The following THSD7B variants were observed in gnomAD, a reference collection of about 807,000 sequenced individuals.
The protein encoded by THSD7B is thrombospondin type 1 domain containing 7B.
THSD7B carries 138 observed loss-of-function variants against 213.6 expected under a neutral mutation model. The observed-to-expected ratio is 0.65, with a 90% CI of 0.56 to 0.74. The LOEUF (loss-of-function observed/expected upper bound fraction) is 0.74, where lower values mean the gene tolerates loss of function less well. Among genes scored for constraint, THSD7B ranks in the 30% least tolerant of loss-of-function variants. THSD7B has a pLI of 0.00. For missense variants in THSD7B, 1,931 were observed against 1,991.5 expected (o/e 0.97, Z 0.58); for synonymous variants, 742 against 687.0 (o/e 1.08, Z -1.25).
At chr2:137,020,724 T>G (rs1356703731) in intron 2 of THSD7B, among the ~76,000 whole-genome samples, 2 of 152,156 alleles carry the variant, frequency 1.3e-5, no homozygotes, top group African/African-American at 4.8e-5. Flanking sequence ...ATTGTCTGCT[T>G]GTTTTGCAGT....
intron 7 of THSD7B, among the ~76,000 whole-genome samples, chr2:137,209,224 T>A (rs1273212507): frequency 6.6e-6 from 1 of 152,078 alleles, no homozygotes; most frequent in East Asian, 1.9e-4. Flanking sequence ...TCCTTTCCAA[T>A]GCCTGTGTTA....
chr2:137,520,177 G>A (rs1473728969), intron 15 of THSD7B, among the ~76,000 whole-genome samples: 1 of 152,096 alleles, frequency 6.6e-6, no homozygotes, highest in Non-Finnish European at 1.5e-5. Context: ...GGTGGCAGTA[G>A]GAATAAATTA....
intron 12 of THSD7B, among the ~76,000 whole-genome samples, chr2:137,391,601 C>A (rs967798096): frequency 6.6e-6 from 1 of 151,594 alleles, no homozygotes; most frequent in African/African-American, 2.4e-5. Context: ...GCAGGAGAAC[C>A]ACTTGAACCC....
At chr2:137,074,860 G>T (rs867775190) in intron 3 of THSD7B, among the ~76,000 whole-genome samples, 3 of 152,142 alleles carry the variant, frequency 2.0e-5, no homozygotes, top group Non-Finnish European at 4.4e-5. Context: ...GGTTTGGCTG[G>T]ATATGAAATT....
At chr2:137,452,304 G>GA (rs199601328) in intron 15 of THSD7B, among the ~76,000 whole-genome samples, 31 of 151,642 alleles carry the variant, frequency 2.0e-4, no homozygotes, top group East Asian at 1.4e-3. Context: ...GTAAAAGTTG[G>GA]AAAAAAAACC....
At chr2:136,988,920 G>A (rs1317584033) in intron 2 of THSD7B, among the ~76,000 whole-genome samples, 2 of 152,150 alleles carry the variant, frequency 1.3e-5, no homozygotes, top group Non-Finnish European at 2.9e-5. Context: ...AAAAACAAAT[G>A]TTCCCCAAAA....
At chr2:136,796,333 C>A (rs1364080947) in intron 1 of THSD7B, among the ~76,000 whole-genome samples, 1 of 151,956 alleles carries the variant, frequency 6.6e-6, no homozygotes, top group Non-Finnish European at 1.5e-5. Flanking sequence ...TTTGAGGACA[C>A]TTTCACTTGT....
intron 2 of THSD7B, among the ~76,000 whole-genome samples, chr2:136,989,995 CTTTCT>C (rs1376476459): frequency 1.3e-5 from 2 of 152,166 alleles, no homozygotes; most frequent in Non-Finnish European, 2.9e-5. Flanking sequence ...CTGTCTTCTG[CTTTCT>C]TTTCTTGTTT....
chr2:137,559,709 C>A, intron 15 of THSD7B, among the ~76,000 whole-genome samples: 1 of 152,206 alleles, frequency 6.6e-6, no homozygotes, highest in Non-Finnish European at 1.5e-5. Flanking sequence ...CCAAAATTCA[C>A]AAATGGGATC....
At chr2:137,506,260 G>A (rs772726750) in intron 15 of THSD7B, among the ~76,000 whole-genome samples, 1 of 152,178 alleles carries the variant, frequency 6.6e-6, no homozygotes, top group Non-Finnish European at 1.5e-5. Flanking sequence ...TTTCAGAACT[G>A]AGTCGTGGCC....
chr2:137,409,828 G>T (rs1686608510), intron 13 of THSD7B, among the ~76,000 whole-genome samples: 1 of 152,208 alleles, frequency 6.6e-6, no homozygotes. Context: ...TGAAAGTGTA[G>T]TCAATACTCT....
intron 2 of THSD7B, among the ~76,000 whole-genome samples, chr2:136,939,479 CT>C (rs67153533): frequency 0.074 from 11,250 of 152,114 alleles, 673 homozygotes; most frequent in African/African-American, 0.16. Context: ...GCATGTACAA[CT>C]TTTATCACCT....
At chr2:136,960,188 C>A (rs576092096) in intron 2 of THSD7B, among the ~76,000 whole-genome samples, 46 of 152,194 alleles carry the variant, frequency 3.0e-4, no homozygotes, top group African/African-American at 1.0e-3. Flanking sequence ...AGTGCAATGG[C>A]GTGATCATGG....
chr2:136,803,296 T>G (rs1052573866), intron 1 of THSD7B, among the ~76,000 whole-genome samples: 13 of 152,148 alleles, frequency 8.5e-5, no homozygotes, highest in Admixed American at 5.9e-4. Context: ...AACCCCAATA[T>G]AACTATTGTG....
intron 2 of THSD7B, among the ~76,000 whole-genome samples, chr2:136,884,322 G>A (rs1344605833): frequency 6.6e-6 from 1 of 152,206 alleles, no homozygotes; most frequent in Non-Finnish European, 1.5e-5. Flanking sequence ...CAACTTCTGG[G>A]TATGTAGGGG....
intron 12 of THSD7B, among the ~76,000 whole-genome samples, chr2:137,331,532 C>G (rs1684506379): frequency 6.6e-6 from 1 of 152,236 alleles, no homozygotes; most frequent in African/African-American, 2.4e-5. Flanking sequence ...ACTCAGGAGC[C>G]CAGCTGGCTT....
intron 20 of THSD7B, among the ~76,000 whole-genome samples, chr2:137,625,829 C>T (rs1219071485): frequency 6.6e-6 from 1 of 152,226 alleles, no homozygotes; most frequent in African/African-American, 2.4e-5. Flanking sequence ...GTGGCAGCTC[C>T]ACTCCTGTGG....
intron 27 of THSD7B, among the ~76,000 whole-genome samples, chr2:137,675,845 T>C (rs1683688221): frequency 6.6e-6 from 1 of 152,102 alleles, no homozygotes; most frequent in Non-Finnish European, 1.5e-5. Context: ...CATTTATAAA[T>C]ACAAGTTAAG....
Position 137,123,187 on chromosome 2 carries a change from G to T in THSD7B, c.1369+7894G>T, listed in dbSNP as rs1459065872. On this transcript the variant is annotated intron_variant, in intron 5 of 27. Transcript: ENST00000409968. ...TGTTGCCAGTCCATTTTCAAACTTGGATGAAACACCATGTCGTGGTGTCTG... is the reference window on the plus strand; with the variant it reads ...TGTTGCCAGTCCATTTTCAAACTTGTATGAAACACCATGTCGTGGTGTCTG... Among the ~76,000 whole-genome samples, 7 of 152,050 alleles carry T rather than the reference G, an allele frequency of 4.6e-5. No homozygotes were observed. In the East Asian group the frequency reaches 1.3e-3, roughly 29 times the overall value.
Sources: gnomAD v4.1 joint callset for allele counts (sites outside exome capture counted in the v4.1 genomes callset) on GRCh38, gnomAD v4.1.1 for gene constraint, MANE v1.5 for transcripts, NCBI Gene and HGNC (gene_info 2026-07-23, HGNC 2026-07-21) for gene names.